The following WWOX variants were observed in gnomAD, a reference collection of about 807,000 sequenced individuals.
WWOX encodes WW domain containing oxidoreductase.
In WWOX, 69 loss-of-function variants were observed where a neutral mutation model predicts 46.2. The ratio of observed to expected loss-of-function variants is 1.49; its 90% confidence interval spans 1.23 to 1.82. The LOEUF (loss-of-function observed/expected upper bound fraction) is 1.82. Ranked by LOEUF, WWOX falls within the 40% of genes most tolerant of loss-of-function variation. The pLI is 0.00. For synonymous variants in WWOX, 359 were observed against 202.6 expected (o/e 1.77, Z -6.56); for missense variants, 919 against 542.6 (o/e 1.69, Z -6.89).
At position 78,838,660 on chromosome 16, in the gene WWOX, A is replaced by T. The variant is rs2142336; in HGVS notation, c.1057-372948A>T. Among the ~76,000 whole-genome samples the T allele has an allele frequency of 6.3e-3, 966 of 152,218 alleles. 5 individuals carry two copies. The highest frequency in any genetic ancestry group is 9.4e-3 in the Non-Finnish European group (640 of 67,994). On this transcript the variant is annotated intron_variant, in intron 8 of 8. Coordinates refer to ENST00000566780, the MANE Select transcript of WWOX (RefSeq NM_016373.4). ...AGTTCCAGACCAGCCTGACCAATATAGTGAAACCCCATCTCTACTAAAAAT... is the reference window on the plus strand; with the variant it reads ...AGTTCCAGACCAGCCTGACCAATATTGTGAAACCCCATCTCTACTAAAAAT...
intron 5 of WWOX, among the ~76,000 whole-genome samples, chr16:78,265,604 G>C (rs900401488): frequency 6.6e-6 from 1 of 151,780 alleles, no homozygotes; most frequent in African/African-American, 2.4e-5. Flanking sequence ...CTTGAGTCTG[G>C]GAGGCGGAGG....
chr16:78,455,961 C>A (rs1010270175), intron 8 of WWOX, among the ~76,000 whole-genome samples: 1 of 152,132 alleles, frequency 6.6e-6, no homozygotes, highest in Non-Finnish European at 1.5e-5. Context: ...TGGCATAGGC[C>A]GGCAGTGGCT....
chr16:78,359,476 T>C (rs1370157980), intron 5 of WWOX, among the ~76,000 whole-genome samples: 4 of 152,120 alleles, frequency 2.6e-5, no homozygotes, highest in Non-Finnish European at 4.4e-5. Flanking sequence ...GGATCGATAG[T>C]TGGTACTTAA....
At chr16:78,380,499 C>A (rs2081930523) in intron 5 of WWOX, among the ~76,000 whole-genome samples, 2 of 152,144 alleles carry the variant, frequency 1.3e-5, no homozygotes, top group East Asian at 1.9e-4. Context: ...CAGTGACGAC[C>A]CATTCAGCCG....
intron 8 of WWOX, among the ~76,000 whole-genome samples, chr16:79,032,072 T>C (rs1006468533): frequency 2.1e-5 from 3 of 144,462 alleles, no homozygotes; most frequent in Non-Finnish European, 3.0e-5. Flanking sequence ...ATATATATTA[T>C]ATATATATAA....
chr16:79,189,728 C>T (rs1402319569), intron 8 of WWOX, among the ~76,000 whole-genome samples: 1 of 151,888 alleles, frequency 6.6e-6, no homozygotes, highest in Non-Finnish European at 1.5e-5. Flanking sequence ...GGAGGGGTTT[C>T]ATCCCGCCGT....
At chr16:78,845,991 A>G (rs756389617) in intron 8 of WWOX, among the ~76,000 whole-genome samples, 1 of 152,176 alleles carries the variant, frequency 6.6e-6, no homozygotes, top group Non-Finnish European at 1.5e-5. Context: ...AGTCTGAACC[A>G]ATTCTAAGAT....
chr16:78,821,184 G>A (rs963190882), intron 8 of WWOX, among the ~76,000 whole-genome samples: 1 of 152,114 alleles, frequency 6.6e-6, no homozygotes, highest in East Asian at 1.9e-4. Context: ...TCTGTGTTGG[G>A]AATTGTGGCT....
At chr16:78,993,856 C>T (rs996875792) in intron 8 of WWOX, among the ~76,000 whole-genome samples, 2 of 152,182 alleles carry the variant, frequency 1.3e-5, no homozygotes. Context: ...ACGGCGGAGC[C>T]CGCTGGTCGG....
chr16:78,602,638 C>G (rs111871001), intron 8 of WWOX, among the ~76,000 whole-genome samples: 2 of 152,130 alleles, frequency 1.3e-5, no homozygotes, highest in Admixed American at 6.5e-5. Context: ...CATATCCTTC[C>G]GGCCAGGTTT....
At chr16:78,365,780 C>A (rs4888789) in intron 5 of WWOX, among the ~76,000 whole-genome samples, 87,185 of 151,878 alleles carry the variant, frequency 0.57, 26,889 homozygotes, top group Non-Finnish European at 0.71. Flanking sequence ...TTCTGCGTGC[C>A]CCTCCTCTAT....
chr16:78,239,760 C>A (rs2037571401), intron 5 of WWOX, among the ~76,000 whole-genome samples: 1 of 152,042 alleles, frequency 6.6e-6, no homozygotes, highest in South Asian at 2.1e-4. Flanking sequence ...GTCTCGAACT[C>A]CTGACCTCAG....
chr16:78,448,353 C>T (rs748530587), intron 8 of WWOX, among the ~76,000 whole-genome samples: 25 of 152,130 alleles, frequency 1.6e-4, no homozygotes, highest in African/African-American at 3.6e-4. Flanking sequence ...CAATATTTAG[C>T]AGGTTAATAC....
intron 8 of WWOX, among the ~76,000 whole-genome samples, chr16:78,652,250 A>C (rs936029437): frequency 4.0e-5 from 6 of 151,870 alleles, no homozygotes; most frequent in African/African-American, 1.5e-4. Context: ...CACTACTAAA[A>C]ATCCAAAAAT....
intron 8 of WWOX, among the ~76,000 whole-genome samples, chr16:78,440,947 C>G (rs894551973): frequency 2.0e-5 from 3 of 151,430 alleles, no homozygotes; most frequent in African/African-American, 4.8e-5. Context: ...TTTTTCTTTT[C>G]TTTTCTTTTT....
chr16:78,870,366 G>C (rs2044100088), intron 8 of WWOX, among the ~76,000 whole-genome samples: 1 of 152,028 alleles, frequency 6.6e-6, no homozygotes, highest in Admixed American at 6.6e-5. Flanking sequence ...GTCCATTAAA[G>C]GACATCTCCC....
intron 8 of WWOX, among the ~76,000 whole-genome samples, chr16:78,502,829 T>G (rs992245481): frequency 6.6e-6 from 1 of 152,174 alleles, no homozygotes; most frequent in East Asian, 1.9e-4. Context: ...ATGCTCTACT[T>G]ACAGTATGAC....
chr16:78,353,774 C>G (rs1200165956), intron 5 of WWOX, among the ~76,000 whole-genome samples: 3 of 125,304 alleles, frequency 2.4e-5, no homozygotes, highest in African/African-American at 8.0e-5. Flanking sequence ...AGCCACATCA[C>G]CTGCAGGCAG....
intron 8 of WWOX, among the ~76,000 whole-genome samples, chr16:78,974,168 A>T (rs565433449): frequency 6.6e-6 from 1 of 152,348 alleles, no homozygotes; most frequent in East Asian, 1.9e-4. Context: ...GGAAAATTCA[A>T]TCTCGTTAAT....
Sources: gnomAD v4.1 joint callset for allele counts (sites outside exome capture counted in the v4.1 genomes callset) on GRCh38, gnomAD v4.1.1 for gene constraint, MANE v1.5 for transcripts, NCBI Gene and HGNC (gene_info 2026-07-23, HGNC 2026-07-21) for gene names.